The following BCAS3 variants were observed in gnomAD, a reference collection of about 807,000 sequenced individuals.
The protein encoded by BCAS3 is BCAS4/BCAS3 fusion.
In BCAS3, 53 loss-of-function variants were observed where a neutral mutation model predicts 116.1. The ratio of observed to expected loss-of-function variants is 0.46; its 90% CI spans 0.37 to 0.57. The LOEUF (loss-of-function observed/expected upper bound fraction) is 0.57. Ranked by LOEUF, BCAS3 falls within the 20% of genes least tolerant of loss-of-function variation. BCAS3 has a pLI of 0.00. For synonymous variants in BCAS3, 391 were observed against 408.2 expected (o/e 0.96, Z 0.51); for missense variants, 917 against 1,165.4 (o/e 0.79, Z 3.10).
intron 19 of BCAS3, among the ~76,000 whole-genome samples, chr17:61,069,160 G>GA (rs2071044871): frequency 6.6e-6 from 1 of 152,032 alleles, no homozygotes; most frequent in Admixed American, 6.6e-5. Flanking sequence ...AAGAAGCATT[G>GA]AAAAAAATCA....
chr17:60,759,913 C>G (rs1182133305), intron 6 of BCAS3, among the ~76,000 whole-genome samples: 1 of 152,176 alleles, frequency 6.6e-6, no homozygotes, highest in Non-Finnish European at 1.5e-5. Flanking sequence ...GTGGTTCTCC[C>G]ACCTTAGCCT....
intron 4 of BCAS3, among the ~76,000 whole-genome samples, chr17:60,706,150 C>T (rs1381994597): frequency 6.6e-6 from 1 of 151,366 alleles, no homozygotes; most frequent in Non-Finnish European, 1.5e-5. Context: ...GTAACCTCCA[C>T]CTCTTGGGTT....
chr17:61,147,416 G>A (rs1469288569), intron 22 of BCAS3, among the ~76,000 whole-genome samples: 1 of 151,904 alleles, frequency 6.6e-6, no homozygotes, highest in Non-Finnish European at 1.5e-5. Flanking sequence ...TAGAGAGGGG[G>A]TTTCACCAGG....
At chr17:60,862,800 T>C (rs2054268454) in intron 7 of BCAS3, among the ~76,000 whole-genome samples, 1 of 151,998 alleles carries the variant, frequency 6.6e-6, no homozygotes. Context: ...ATTTAAAAAA[T>C]ATTTTGGACA....
chr17:61,099,151 G>A (rs2074161096), intron 22 of BCAS3, among the ~76,000 whole-genome samples: 1 of 151,668 alleles, frequency 6.6e-6, no homozygotes, highest in Non-Finnish European at 1.5e-5. Context: ...CTCCTGGATG[G>A]CATTATTATT....
chr17:61,140,196 C>A lies in BCAS3; in HGVS notation c.2425+55632C>A, dbSNP rs2076844357. Among the ~76,000 whole-genome samples, 1 of 152,126 alleles carries A rather than the reference C, an allele frequency of 6.6e-6. No homozygotes were observed. Among genetic ancestry groups the A allele is most frequent in the African/African-American group, 2.4e-5 (1 of 41,424 alleles). ...AGGTTGCAGTGAGTCAGGATCACAC[C>A]ACTGCACTCCAGCCTGGGTGACAGA... On this transcript the variant is annotated intron_variant, in intron 22 of 23. Transcript: ENST00000407086. The surrounding 1 kb of genome is among the most constrained non-coding windows in gnomAD (Gnocchi z 4.2).
intron 12 of BCAS3, among the ~76,000 whole-genome samples, chr17:60,916,433 A>G (rs1567860969): frequency 6.6e-6 from 1 of 152,234 alleles, no homozygotes; most frequent in South Asian, 2.1e-4. Flanking sequence ...AGGAAAACTA[A>G]GAGAACCTAT....
At chr17:60,998,171 C>T (rs1405601227) in intron 15 of BCAS3, among the ~76,000 whole-genome samples, 6 of 152,054 alleles carry the variant, frequency 3.9e-5, no homozygotes, top group Admixed American at 6.5e-5. Flanking sequence ...GCAAAGGACA[C>T]GATTTTATTC....
chr17:61,035,741 G>C (rs1310757342), intron 17 of BCAS3, among the ~76,000 whole-genome samples: 1 of 152,120 alleles, frequency 6.6e-6, no homozygotes, highest in Non-Finnish European at 1.5e-5. Flanking sequence ...ACCTCGGATG[G>C]TACGGAGCCC....
At chr17:61,202,503 A>T (rs72832579) in intron 22 of BCAS3, among the ~76,000 whole-genome samples, 7,620 of 151,332 alleles carry the variant, frequency 0.05, 192 homozygotes, top group African/African-American at 0.061. Flanking sequence ...TTTTTTTTTT[A>T]AAATATTACT....
At chr17:61,148,251 TCTGTGAAA>T (rs2077353285) in intron 22 of BCAS3, among the ~76,000 whole-genome samples, 1 of 152,180 alleles carries the variant, frequency 6.6e-6, no homozygotes, top group South Asian at 2.1e-4. Flanking sequence ...AGCTGATAGG[TCTGTGAAA>T]CTGCCCTCAA....
chr17:60,962,528 T>C lies in BCAS3; in HGVS notation c.1221+15176T>C, dbSNP rs2061462556. Among the ~76,000 whole-genome samples, 1 of 152,148 alleles carries C rather than the reference T, an allele frequency of 6.6e-6. No individual in the cohort carries two copies. The highest frequency in any genetic ancestry group is 2.4e-5 in the African/African-American group (1 of 41,458). On this transcript the variant is annotated intron_variant, in intron 14 of 23. Coordinates refer to ENST00000407086, the MANE Select transcript of BCAS3 (RefSeq NM_017679.5). This position sits in a 1 kb window ranked among gnomAD's most constrained non-coding sequence, Gnocchi z 4.4. ...AGGTCTTTTGCCCATTTTTAAATTT[T>C]CTTATTTTTTCTTTTGTTTCTAATG...
intron 4 of BCAS3, among the ~76,000 whole-genome samples, chr17:60,700,991 C>T (rs1046104470): frequency 1.3e-5 from 2 of 151,978 alleles, no homozygotes; most frequent in Admixed American, 6.6e-5. Context: ...CATCTGTAAT[C>T]CCAGCACTTT....
chr17:60,984,959 G>A (rs1366275267), intron 14 of BCAS3, among the ~76,000 whole-genome samples: 28 of 141,500 alleles, frequency 2.0e-4, no homozygotes, highest in African/African-American at 2.7e-4. Context: ...GCAGTGAGCC[G>A]AGATTGCACC....
At chr17:60,717,825 C>T (rs2038804882) in intron 5 of BCAS3, among the ~76,000 whole-genome samples, 1 of 152,148 alleles carries the variant, frequency 6.6e-6, no homozygotes, top group Non-Finnish European at 1.5e-5. Flanking sequence ...TTATTGTTCA[C>T]TTTACTTCTA....
intron 6 of BCAS3, among the ~76,000 whole-genome samples, chr17:60,772,613 C>T (rs1409850983): frequency 2.6e-5 from 4 of 152,284 alleles, no homozygotes; most frequent in Middle Eastern, 3.4e-3. Context: ...GGCATGGTGG[C>T]TTACACCTGT....
intron 6 of BCAS3, among the ~76,000 whole-genome samples, chr17:60,772,514 G>C (rs767265579): frequency 5.3e-5 from 8 of 152,272 alleles, no homozygotes; most frequent in South Asian, 2.1e-4. Flanking sequence ...GTTGCCTGTT[G>C]ACTCTGATGG....
intron 23 of BCAS3, among the ~76,000 whole-genome samples, chr17:61,370,387 G>C (rs75465014): frequency 6.7e-6 from 1 of 148,740 alleles, no homozygotes; most frequent in African/African-American, 2.6e-5. Flanking sequence ...GAAAAAACTT[G>C]TTCTTTTTTT....
At chr17:61,090,196 TC>T (rs762424725) in intron 22 of BCAS3, among the ~76,000 whole-genome samples, 9 of 152,226 alleles carry the variant, frequency 5.9e-5, no homozygotes, top group Non-Finnish European at 8.8e-5. Context: ...TCAAATTATT[TC>T]CTTAAGTAAC....
Sources: allele counts gnomAD v4.1 joint callset (sites outside exome capture counted in the v4.1 genomes callset), GRCh38; gene constraint gnomAD v4.1.1; non-coding constraint Gnocchi (gnomAD v3.1); transcripts MANE v1.5; gene names NCBI Gene and HGNC (gene_info 2026-07-23, HGNC 2026-07-21).